The following URB1 variants were observed in gnomAD, a reference collection of about 807,000 sequenced individuals.
The protein encoded by URB1 is nucleolar pre-ribosomal-associated protein 1.
In URB1, 197 loss-of-function variants were observed where a neutral mutation model predicts 242.3. The observed-to-expected ratio is 0.81, with a 90% confidence interval of 0.72 to 0.91. The LOEUF (loss-of-function observed/expected upper bound fraction) is 0.91, where lower values mean the gene tolerates loss of function less well. Ranked by LOEUF, URB1 falls within the 40% of genes least tolerant of loss-of-function variation. The probability of loss-of-function intolerance (pLI) is 0.00; values close to 1 mark genes in which losing one functional copy is unlikely to be tolerated. For synonymous variants in URB1, 1,153 were observed against 1,201.8 expected (o/e 0.96, Z 0.84); for missense variants, 2,721 against 2,860.5 (o/e 0.95, Z 1.11).
intron 2 of URB1, 38 bp from the exon 3 acceptor site, chr21:32,384,502 A>G: frequency 6.5e-7 from 1 of 1,542,048 alleles, no homozygotes; most frequent in Non-Finnish European, 8.8e-7. Flanking sequence ...AAATCGTCTC[A>G]TTTCCTTTCC....
In URB1 at chr21:32,357,536, C is replaced by T; in HGVS notation, c.1989+1G>A. On this transcript the variant is annotated splice_donor_variant, in intron 15 of 38. Transcript: ENST00000382751. LOFTEE classifies it high-confidence loss of function. ...GTTAGAAACTGGTAGAAAATGCTCA[C>T]CTTCATGATCAGAAGTTTGGTCAAT... The T allele has an allele frequency of 1.3e-6, 2 of 1,505,828 alleles. No homozygotes were observed. Among genetic ancestry groups the T allele is most frequent in the South Asian group, 1.3e-5 (1 of 74,174 alleles). The allele number at this position is 1,505,828 out of a possible 1,614,324, so 93.3% of individuals were successfully genotyped here. A position where few individuals can be genotyped will look rare whatever the true frequency, so the allele number is the denominator to read the frequency against.
intron 28 of URB1, among the ~76,000 whole-genome samples, chr21:32,335,967 CTG>C (rs1357830085): frequency 2.6e-5 from 4 of 152,192 alleles, no homozygotes; most frequent in African/African-American, 9.7e-5. Context: ...GCGTTCTCTG[CTG>C]TGTTAGAGGT....
intron 1 of URB1, among the ~76,000 whole-genome samples, chr21:32,389,144 T>C (rs1472586516): frequency 6.6e-6 from 1 of 152,178 alleles, no homozygotes; most frequent in Non-Finnish European, 1.5e-5. Context: ...TTTGAAGAAG[T>C]AATGCTGAAC....
In URB1 at chr21:32,352,920, A is replaced by G; in HGVS notation, c.2417-14T>C. 1.3e-6 allele frequency: 2 copies of G among 1,530,992 alleles called. No homozygotes were observed. Among genetic ancestry groups the G allele is most frequent in the South Asian group, 1.2e-5 (1 of 80,136 alleles). 94.8% of individuals were successfully genotyped at this position (1,530,992 alleles called of 1,614,324 possible). ...CAACGTTTTCCGCTGCAAAGGAACG[A>G]GATGCATATGGGAAGAGGCTGGCTG... On this transcript the variant is annotated splice_polypyrimidine_tract_variant and intron_variant, in intron 18 of 38. Coordinates refer to ENST00000382751, the MANE Select transcript of URB1 (RefSeq NM_014825.3).
intron 38 of URB1, 66 bp downstream of exon 38, chr21:32,316,400 C>G (rs907891893): frequency 2.1e-4 from 311 of 1,450,784 alleles, no homozygotes; most frequent in Middle Eastern, 9.0e-4. Flanking sequence ...GCACAGAAAT[C>G]ACTCCTGCCC....
intron 27 of URB1, 55 bp downstream of exon 27, chr21:32,337,348 AC>A: frequency 2.0e-6 from 3 of 1,476,950 alleles, no homozygotes; most frequent in Non-Finnish European, 2.8e-6. Context: ...CTCTGCTCAC[AC>A]CCCCGGCCCT....
In URB1 at chr21:32,325,292, G is replaced by A. The variant is rs996810949; in HGVS notation, c.5058C>T (p.Ala1686=). ...AGTAGTAGGCCGCCAGGACATGGTAGGCTATGGCTCGCATCTGGGGGTCAT... is the reference window on the plus strand; with the variant it reads ...AGTAGTAGGCCGCCAGGACATGGTAAGCTATGGCTCGCATCTGGGGGTCAT... ...SSYDPQMRAI[A]YHVLAAYYSH... Residue 1686 remains alanine (A), a synonymous_variant, in exon 31 of 39, where the codon GCC becomes GCT. Coordinates refer to ENST00000382751, the MANE Select transcript of URB1 (RefSeq NM_014825.3). 5.2e-6 allele frequency: 8 copies of A among 1,551,644 alleles called. No homozygotes were observed. In the African/African-American group the frequency reaches 8.2e-5, roughly 16 times the overall value.
chr21:32,358,063 C>T (rs1396990933), intron 14 of URB1, among the ~76,000 whole-genome samples: 3 of 152,128 alleles, frequency 2.0e-5, no homozygotes, highest in Admixed American at 6.5e-5. Flanking sequence ...GTAGCAGGAG[C>T]CATCACTTGC....
chr21:32,364,557 C>A (rs2033324364), intron 10 of URB1, among the ~76,000 whole-genome samples: 2 of 152,216 alleles, frequency 1.3e-5, no homozygotes, highest in South Asian at 4.1e-4. Context: ...TAAATCAGGA[C>A]TACAGGAACT....
chr21:32,363,176 A>G lies in URB1; in HGVS notation c.1489T>C (p.Phe497Leu). Residue 497 changes from phenylalanine (F) to leucine (L), a missense_variant, in exon 11 of 39, where the codon TTC becomes CTC. By Grantham distance (22) the Phe-to-Leu change is conservative. Coordinates refer to ENST00000382751, the MANE Select transcript of URB1 (RefSeq NM_014825.3). ...CCTACCTTGCTCAGGGCTTCTCTGA[A>G]GAGCTGCACGAATTCTTCCATCATC... Reference protein sequence around the residue: ...AVMMEEFVQLFREALSKILPD... With the variant: ...AVMMEEFVQLLREALSKILPD... 1.3e-6 allele frequency: 2 copies of G among 1,551,964 alleles called. No individual in the cohort carries two copies. The highest frequency in any genetic ancestry group is 1.7e-6 in the Non-Finnish European group (2 of 1,147,042).
rs1472709074 is a variant in URB1, at chr21:32,368,536, A to T, written c.1064T>A (p.Leu355Gln). 6 of 1,551,770 alleles carry T rather than the reference A, an allele frequency of 3.9e-6. No individual in the cohort carries two copies. The highest frequency in any genetic ancestry group is 5.2e-6 in the Non-Finnish European group (6 of 1,147,022). ...GATGTTTACCACAAGGTCAGCCACC[A>T]GATCATCATCAGCTGCAGTTTTCAA... ...LGLKTAADDD[L>Q]VADLVVNILK... The change falls in exon 9 of 39, where the codon CTG becomes CAG. Residue 355 changes from leucine to glutamine, a missense_variant. Coordinates refer to ENST00000382751, the MANE Select transcript of URB1 (RefSeq NM_014825.3).
chr21:32,367,640 AG>A (rs2033360928), intron 9 of URB1, among the ~76,000 whole-genome samples: 1 of 152,254 alleles, frequency 6.6e-6, no homozygotes, highest in Non-Finnish European at 1.5e-5. Flanking sequence ...TATGATCAAA[AG>A]GAAGGTAACG....
In URB1 at chr21:32,367,079, G is replaced by A. The variant is rs561492333; in HGVS notation, c.1198-324C>T. On this transcript the variant is annotated intron_variant, in intron 9 of 38. Coordinates refer to ENST00000382751, the MANE Select transcript of URB1 (RefSeq NM_014825.3). The stretch of plus-strand genomic sequence containing the variant: ...CTACTTACCAGTTCTTGCTGCACTT[G>A]ACAGGCACCTGACAAATGATGTCAG... Among the ~76,000 whole-genome samples, 3 of 152,302 alleles carry A rather than the reference G, an allele frequency of 2.0e-5. No homozygotes were observed. In the South Asian group the frequency reaches 6.2e-4, roughly 32 times the overall value.
intron 15 of URB1, among the ~76,000 whole-genome samples, chr21:32,357,328 A>AAC (rs2033232966): frequency 6.6e-6 from 1 of 152,142 alleles, no homozygotes; most frequent in South Asian, 2.1e-4. Flanking sequence ...AAAAAAAAAA[A>AAC]AAAACATTTT....
rs1273866800 is a variant in URB1 at position 32,315,014 on chromosome 21, C to T, written c.6720G>A (p.Arg2240=). The T allele has an allele frequency of 6.4e-7, 1 of 1,551,664 alleles. No homozygotes were observed. Among genetic ancestry groups the T allele is most frequent in the East Asian group, 2.4e-5 (1 of 40,926 alleles). ...CATCATCTGCGGCCTCACACACCAT[C>T]CGGACGTGGGTTAAGAGGGTGTCCG... ...QRPDTLLTHV[R]MVCEAADDAP... is the part of the protein sequence containing the mutation. Residue 2240 remains arginine (R), a synonymous_variant, in exon 39 of 39, where the codon CGG becomes CGA. Transcript: ENST00000382751.
At chr21:32,363,546 T>C (rs1230399589) in intron 10 of URB1, among the ~76,000 whole-genome samples, 2 of 152,216 alleles carry the variant, frequency 1.3e-5, no homozygotes, top group Non-Finnish European at 2.9e-5. Context: ...TGACCACTAA[T>C]GGTGGCATCC....
Position 32,346,972 on chromosome 21 carries a change from G to C in URB1, c.3852C>G (p.Phe1284Leu). ...TTCCCTTACCTCCTGCTGGGCGTGT[G>C]AAGTGGCTCCGTGTCCTGCACTGGA... ...VYLQCRTRSH[F>L]TRPAGVSSAV... The change falls in exon 22 of 39, where the codon TTC becomes TTG. Residue 1284 changes from phenylalanine (F) to leucine (L), a missense_variant. By Grantham distance (22) the Phe-to-Leu change is conservative (BLOSUM62 0). Transcript: ENST00000382751. The C allele has an allele frequency of 6.6e-7, 1 of 1,515,748 alleles. No individual in the cohort carries two copies. The highest frequency in any genetic ancestry group is 1.2e-5 in the South Asian group (1 of 80,450). The allele number at this position is 1,515,748 out of a possible 1,614,324, so 93.9% of individuals were successfully genotyped here. A position where few individuals can be genotyped will look rare whatever the true frequency, so the allele number is the denominator to read the frequency against.
rs530563542 is a variant in URB1, at chr21:32,331,930, C to G, written c.4960+1387G>C. On this transcript the variant is annotated intron_variant, in intron 30 of 38. Coordinates refer to ENST00000382751, the MANE Select transcript of URB1 (RefSeq NM_014825.3). ...CCCCCACTGGGGTGTCAGAGGAAGC[C>G]TAGCAGAGAGTAAGGACTTTCAGCA... Among the ~76,000 whole-genome samples the G allele has an allele frequency of 1.4e-4, 21 of 152,352 alleles. No individual in the cohort carries two copies. In the East Asian group the frequency reaches 3.7e-3, roughly 27 times the overall value.
chr21:32,347,075 T>C lies in URB1; in HGVS notation c.3749A>G (p.Gln1250Arg). 6.4e-7 allele frequency: 1 copy of C among 1,550,618 alleles called. No homozygotes were observed. Among genetic ancestry groups the C allele is most frequent in the African/African-American group, 1.4e-5 (1 of 73,132 alleles). Reference sequence around the variant, plus strand: ...CCCTGGGCCAGCCTGCAGGCACCACTGCTCGAACCACAGCAAGTGGGTGCA... The same window carrying C: ...CCCTGGGCCAGCCTGCAGGCACCACCGCTCGAACCACAGCAAGTGGGTGCA... ...ESCTHLLWFE[Q>R]WCLQAGPGLG... Residue 1250 changes from glutamine (Q) to arginine (R), a missense_variant, in exon 22 of 39, where the codon CAG becomes CGG. Gln to Arg is a conservative substitution (Grantham distance 43). Transcript: ENST00000382751.
Sources: gnomAD v4.1 joint callset for allele counts (sites outside exome capture counted in the v4.1 genomes callset) on GRCh38, gnomAD v4.1.1 for gene constraint, MANE v1.5 for transcripts, NCBI Gene and HGNC (gene_info 2026-07-23, HGNC 2026-07-21) for gene names.